EXOC6B: variants seen among roughly 807,000 people sequenced by gnomAD.
EXOC6B encodes the protein SEC15 homolog B.
A neutral mutation model predicts 113.5 loss-of-function variants in EXOC6B; 54 were observed. That is an observed-to-expected ratio of 0.48 (90% CI 0.38 to 0.60). The LOEUF (loss-of-function observed/expected upper bound fraction) is 0.60. Among genes scored for constraint, EXOC6B ranks in the 20% least tolerant of loss-of-function variants. EXOC6B has a pLI of 0.00. For synonymous variants in EXOC6B, 357 were observed against 339.0 expected (o/e 1.05, Z -0.58); for missense variants, 797 against 977.5 (o/e 0.82, Z 2.46).
intron 7 of EXOC6B, among the ~76,000 whole-genome samples, chr2:72,560,429 T>C (rs2103702962): frequency 6.6e-6 from 1 of 152,270 alleles, no homozygotes; most frequent in South Asian, 2.1e-4. Context: ...CTGGTAACTA[T>C]ATAATTCATC....
chr2:72,656,938 A>AC lies in EXOC6B; in HGVS notation c.669+61164dup, dbSNP rs887963922. On this transcript the variant is annotated intron_variant, in intron 6 of 21. Transcript: ENST00000272427. Reference sequence around the variant, plus strand: ...GTGATCTCGGCTCACTGCAACCTCCACCCCCTAGGTTCAAGTGATTCTCCT... The same window carrying AC: ...GTGATCTCGGCTCACTGCAACCTCCACCCCCCTAGGTTCAAGTGATTCTCCT... Among the ~76,000 whole-genome samples the AC allele has an allele frequency of 4.6e-5, 7 of 151,468 alleles. No homozygotes were observed. In the East Asian group the frequency reaches 1.4e-3, roughly 30 times the overall value.
intron 8 of EXOC6B, among the ~76,000 whole-genome samples, chr2:72,538,543 T>A (rs1702428352): frequency 6.6e-6 from 1 of 152,142 alleles, no homozygotes; most frequent in Non-Finnish European, 1.5e-5. Flanking sequence ...TTGGTGTGTA[T>A]CTTACACTTA....
intron 18 of EXOC6B, among the ~76,000 whole-genome samples, chr2:72,447,574 G>A (rs1696662716): frequency 6.6e-6 from 1 of 152,108 alleles, no homozygotes; most frequent in South Asian, 2.1e-4. Flanking sequence ...AATACATTAG[G>A]TGTGGCTAGA....
chr2:72,222,725 A>G (rs1442164260), intron 20 of EXOC6B, among the ~76,000 whole-genome samples: 1 of 152,096 alleles, frequency 6.6e-6, no homozygotes, highest in African/African-American at 2.4e-5. Flanking sequence ...TTTTGTGGAA[A>G]ATATTATTAT....
intron 18 of EXOC6B, among the ~76,000 whole-genome samples, chr2:72,437,145 G>A (rs1396935312): frequency 6.6e-6 from 1 of 152,152 alleles, no homozygotes; most frequent in Non-Finnish European, 1.5e-5. Context: ...CCTTCTAACA[G>A]TCAGGCCCCT....
intron 8 of EXOC6B, among the ~76,000 whole-genome samples, chr2:72,547,738 A>G (rs1418330188): frequency 1.3e-5 from 2 of 152,168 alleles, no homozygotes; most frequent in Non-Finnish European, 2.9e-5. Context: ...GGCCGACTGA[A>G]TCAATAAAGT....
chr2:72,356,249 G>A (rs866552421), intron 19 of EXOC6B, among the ~76,000 whole-genome samples: 56 of 152,054 alleles, frequency 3.7e-4, no homozygotes, highest in African/African-American at 1.3e-3. Context: ...TTCTTCTGAC[G>A]TTCAGGACTG....
rs530385312 is a variant in EXOC6B, at chr2:72,691,844, G to T, written c.669+26259C>A. 1.4e-4 allele frequency among the ~76,000 whole-genome samples: 20 copies of T among 144,918 alleles called. 1 individual carries two copies. The highest frequency in any genetic ancestry group is 1.3e-3 in the Admixed American group (19 of 14,716). On this transcript the variant is annotated intron_variant, in intron 6 of 21. Transcript: ENST00000272427. ...TTACGGGTGCCCACCACCCCACCTG[G>T]ATTTTTTTTTTCTATTTTTAGAAGA...
intron 20 of EXOC6B, among the ~76,000 whole-genome samples, chr2:72,205,257 A>G (rs1679766751): frequency 6.6e-6 from 1 of 152,174 alleles, no homozygotes; most frequent in Non-Finnish European, 1.5e-5. Flanking sequence ...GACTGGATAA[A>G]GACTAGACCG....
intron 1 of EXOC6B, among the ~76,000 whole-genome samples, chr2:72,787,444 C>T (rs1684439584): frequency 6.6e-6 from 1 of 151,996 alleles, no homozygotes; most frequent in African/African-American, 2.4e-5. Flanking sequence ...AAATGATCCG[C>T]CTGCCTTAGC....
chr2:72,394,971 G>A (rs949250993), intron 18 of EXOC6B, among the ~76,000 whole-genome samples: 9 of 151,972 alleles, frequency 5.9e-5, no homozygotes, highest in African/African-American at 2.2e-4. Flanking sequence ...AGGATGATCT[G>A]TAGAGGTATA....
intron 18 of EXOC6B, among the ~76,000 whole-genome samples, chr2:72,406,599 G>A (rs531822851): frequency 1.3e-5 from 2 of 152,298 alleles, no homozygotes; most frequent in South Asian, 4.1e-4. Context: ...GCTCCTGATT[G>A]ACTACTGGGT....
At chr2:72,305,350 A>ATATGTG (rs1253105766) in intron 20 of EXOC6B, among the ~76,000 whole-genome samples, 2 of 151,418 alleles carry the variant, frequency 1.3e-5, no homozygotes, top group Non-Finnish European at 2.9e-5. Flanking sequence ...ATGTATATGT[A>ATATGTG]TATGTATATG....
intron 20 of EXOC6B, among the ~76,000 whole-genome samples, chr2:72,258,629 C>G (rs888835037): frequency 6.6e-6 from 1 of 151,932 alleles, no homozygotes; most frequent in African/African-American, 2.4e-5. Flanking sequence ...CTTAGCCACT[C>G]AAAGTGCTGG....
At chr2:72,530,510 C>A (rs1271838963) in intron 8 of EXOC6B, among the ~76,000 whole-genome samples, 1 of 152,056 alleles carries the variant, frequency 6.6e-6, no homozygotes, top group African/African-American at 2.4e-5. Flanking sequence ...TATGCTCTGA[C>A]TTAGTATGTT....
intron 18 of EXOC6B, among the ~76,000 whole-genome samples, chr2:72,397,786 A>G (rs893124192): frequency 6.6e-6 from 1 of 152,070 alleles, no homozygotes. Flanking sequence ...TCATTAGCAT[A>G]TAAATGATGT....
chr2:72,484,440 G>A (rs1377357637), intron 16 of EXOC6B, among the ~76,000 whole-genome samples: 6 of 151,434 alleles, frequency 4.0e-5, no homozygotes, highest in South Asian at 2.1e-4. Context: ...GGTGGAGGGC[G>A]CCTGTAGTCC....
At chr2:72,751,584 G>C (rs1682046441) in intron 1 of EXOC6B, among the ~76,000 whole-genome samples, 1 of 151,776 alleles carries the variant, frequency 6.6e-6, no homozygotes, top group Non-Finnish European at 1.5e-5. Context: ...TTTTATTTTT[G>C]GTTTACAAAT....
At chr2:72,768,313 C>T (rs1453599066) in intron 1 of EXOC6B, among the ~76,000 whole-genome samples, 2 of 119,364 alleles carry the variant, frequency 1.7e-5, no homozygotes, top group East Asian at 5.4e-4. Flanking sequence ...TTTTTCGAGA[C>T]AGAGTTTGGC....
Sources: allele counts gnomAD v4.1 joint callset (sites outside exome capture counted in the v4.1 genomes callset), GRCh38; gene constraint gnomAD v4.1.1; transcripts MANE v1.5; gene names NCBI Gene and HGNC (gene_info 2026-07-23, HGNC 2026-07-21).